Variants in AKR1C8 observed in about 807,000 individuals in gnomAD.
AKR1C8 encodes aldo-keto reductase family 1 member C8, also known as aldo-keto reductase family 1 member C-like protein 1.
chr10:5,117,397 C>T, the AKR1C8 span, among the ~76,000 whole-genome samples: 10 of 152,164 alleles, frequency 6.6e-5, no homozygotes, highest in South Asian at 1.9e-3. Context: ...CACCCTCAAT[C>T]GAGGATTTCT....
the AKR1C8 span, chr10:5,154,287 G>A: frequency 2.3e-5 from 10 of 436,012 alleles, no homozygotes; most frequent in South Asian, 3.5e-5. Context: ...TTACCACCAC[G>A]TCCCTACTTG....
At chr10:5,164,189 T>C in the AKR1C8 span, among the ~76,000 whole-genome samples, 1 of 146,930 alleles carries the variant, frequency 6.8e-6, no homozygotes, top group Admixed American at 6.6e-5. Flanking sequence ...CTTCAGTCTC[T>C]GATTGGTCCT....
At chr10:5,178,270 T>G in the AKR1C8 span, among the ~76,000 whole-genome samples, 5 of 152,278 alleles carry the variant, frequency 3.3e-5, no homozygotes, top group East Asian at 1.9e-4. Flanking sequence ...GTTGTTCAGT[T>G]TCCATGTAGT....
chr10:5,118,266 T>C, the AKR1C8 span, among the ~76,000 whole-genome samples: 1 of 152,198 alleles, frequency 6.6e-6, no homozygotes, highest in African/African-American at 2.4e-5. Flanking sequence ...ACAGGACTCA[T>C]GGAAATCAGA....
At chr10:5,154,138 G>A in the AKR1C8 span, 2 of 469,892 alleles carry the variant, frequency 4.3e-6, no homozygotes, top group Non-Finnish European at 8.8e-6. Context: ...AATAGCTCAT[G>A]GTCAATATTC....
chr10:5,146,802 A>T, the AKR1C8 span, among the ~76,000 whole-genome samples: 4,806 of 152,236 alleles, frequency 0.032, 257 homozygotes, highest in African/African-American at 0.11. Context: ...TCATGAAATC[A>T]TTGCCTAAGC....
chr10:5,174,062 T>G, the AKR1C8 span, among the ~76,000 whole-genome samples: 72 of 152,142 alleles, frequency 4.7e-4, no homozygotes, highest in African/African-American at 1.6e-3. Flanking sequence ...CCCAAAGAAT[T>G]AGAGTCAGAT....
chr10:5,172,276 G>A, the AKR1C8 span, among the ~76,000 whole-genome samples: 1 of 152,072 alleles, frequency 6.6e-6, no homozygotes, highest in South Asian at 2.1e-4. Flanking sequence ...TTTCTGATAT[G>A]CCTTAATTTT....
At chr10:5,180,413 C>T in the AKR1C8 span, among the ~76,000 whole-genome samples, 4 of 152,182 alleles carry the variant, frequency 2.6e-5, no homozygotes, top group Admixed American at 6.5e-5. Context: ...TTAGGCTGCT[C>T]GGGGGTTAGG....
the AKR1C8 span, among the ~76,000 whole-genome samples, chr10:5,153,926 T>C: frequency 6.6e-6 from 1 of 152,330 alleles, no homozygotes; most frequent in African/African-American, 2.4e-5. Flanking sequence ...CAGGTCTTTT[T>C]TTGTATTTTT....
chr10:5,155,542 G>A, the AKR1C8 span: 15 of 320,192 alleles, frequency 4.7e-5, no homozygotes, highest in Non-Finnish European at 9.6e-5. Flanking sequence ...CTGGTCTGAA[G>A]GCTACAGGGC....
the AKR1C8 span, among the ~76,000 whole-genome samples, chr10:5,161,275 G>C: frequency 1.3e-5 from 2 of 152,146 alleles, no homozygotes; most frequent in African/African-American, 4.8e-5. Context: ...GCTTAATATA[G>C]CTATTCATCA....
chr10:5,153,177 A>G, the AKR1C8 span, among the ~76,000 whole-genome samples: 1 of 152,186 alleles, frequency 6.6e-6, no homozygotes, highest in African/African-American at 2.4e-5. Context: ...ATTTTTGCCT[A>G]TTTAATTTAC....
the AKR1C8 span, chr10:5,160,003 G>T: frequency 2.0e-5 from 9 of 456,802 alleles, 1 homozygote; most frequent in South Asian, 1.4e-4. Context: ...ACTTCTCCAG[G>T]GCCTGGGGAG....
At chr10:5,180,878 G>C in the AKR1C8 span, among the ~76,000 whole-genome samples, 1 of 152,200 alleles carries the variant, frequency 6.6e-6, no homozygotes, top group African/African-American at 2.4e-5. Flanking sequence ...GATTTTCCAG[G>C]TGCCGTCTGT....
At chr10:5,173,174 G>A in the AKR1C8 span, among the ~76,000 whole-genome samples, 2 of 152,028 alleles carry the variant, frequency 1.3e-5, no homozygotes, top group Non-Finnish European at 2.9e-5. Flanking sequence ...AGAGTGGCAA[G>A]ACAGAATGGA....
the AKR1C8 span, among the ~76,000 whole-genome samples, chr10:5,184,212 A>G: frequency 1.3e-5 from 2 of 152,112 alleles, no homozygotes; most frequent in Admixed American, 1.3e-4. Flanking sequence ...CAGTCCATCA[A>G]AACCCTAGAC....
chr10:5,135,077 C>G, the AKR1C8 span: 1 of 182,992 alleles, frequency 5.5e-6, no homozygotes, highest in South Asian at 1.3e-4. Context: ...AGCTAAAACC[C>G]AAGTCATCTA....
chr10:5,137,645 C>T, the AKR1C8 span, among the ~76,000 whole-genome samples: 1 of 152,144 alleles, frequency 6.6e-6, no homozygotes, highest in Non-Finnish European at 1.5e-5. Flanking sequence ...AAACTGGAAG[C>T]ATTCCCTTTG....
Sources: gnomAD v4.1 joint callset for allele counts (sites outside exome capture counted in the v4.1 genomes callset) on GRCh38, gnomAD v4.1.1 for gene constraint, MANE v1.5 for transcripts, NCBI Gene and HGNC (gene_info 2026-07-23, HGNC 2026-07-21) for gene names.